The following NKAIN3 variants were observed in gnomAD, a reference collection of about 807,000 sequenced individuals.
NKAIN3 encodes the protein sodium/potassium transporting ATPase interacting 3, also known as sodium/potassium-transporting ATPase subunit beta-1-interacting protein 3.
Under a neutral mutation model 30.2 loss-of-function variants are expected in NKAIN3, and 25 were observed. The ratio of observed to expected loss-of-function variants is 0.83; its 90% CI spans 0.60 to 1.16. The LOEUF (loss-of-function observed/expected upper bound fraction) is 1.16, where lower values mean the gene tolerates loss of function less well. NKAIN3 is among the 50% of genes most tolerant of loss of function. The pLI, the probability that NKAIN3 is intolerant of heterozygous loss-of-function variation, is 0.00. For synonymous variants in NKAIN3, 91 were observed against 89.6 expected (o/e 1.02, Z -0.09); for missense variants, 225 against 254.1 (o/e 0.89, Z 0.78).
chr8:62,807,240 G>T (rs1818325441), intron 4 of NKAIN3, among the ~76,000 whole-genome samples: 1 of 152,072 alleles, frequency 6.6e-6, no homozygotes, highest in South Asian at 2.1e-4. Flanking sequence ...TGCCATTTTT[G>T]TTTCAGGTAT....
intron 5 of NKAIN3, 149 bp downstream of exon 5, chr8:62,918,662 G>A: frequency 1.6e-6 from 1 of 642,366 alleles, no homozygotes. Flanking sequence ...GTCAAAAGTT[G>A]ACAGACTGAA....
chr8:62,649,351 T>C (rs1812557994), intron 3 of NKAIN3, among the ~76,000 whole-genome samples: 1 of 152,110 alleles, frequency 6.6e-6, no homozygotes, highest in African/African-American at 2.4e-5. Context: ...CTGCAAACAA[T>C]TGTGAGTGAC....
rs58806823 is a variant in NKAIN3 at position 62,305,707 on chromosome 8, A to G, written c.54+56580A>G. Reference sequence around the variant, plus strand: ...GCCCTCCCTCTGGGCCACAAGCACTAAAGTGTGATGATGGATGGAAAAGAA... The same window carrying G: ...GCCCTCCCTCTGGGCCACAAGCACTGAAGTGTGATGATGGATGGAAAAGAA... On this transcript the variant is annotated intron_variant, in intron 1 of 6. Transcript: ENST00000623646. Among the ~76,000 whole-genome samples, 1,239 of 150,556 alleles carry G rather than the reference A, an allele frequency of 8.2e-3. 113 individuals carry two copies. The highest frequency in any genetic ancestry group is 0.029 in the African/African-American group (1,173 of 39,980).
intron 4 of NKAIN3, among the ~76,000 whole-genome samples, chr8:62,780,504 T>C (rs1462748912): frequency 6.6e-6 from 1 of 152,086 alleles, no homozygotes; most frequent in African/African-American, 2.4e-5. Context: ...TACAGGCCTA[T>C]ATCACTGATG....
At chr8:62,998,458 A>G (rs921722766) in intron 5 of NKAIN3, among the ~76,000 whole-genome samples, 1 of 152,104 alleles carries the variant, frequency 6.6e-6, no homozygotes, top group Admixed American at 6.5e-5. Context: ...TATTTTTAGT[A>G]GAGACGGGGT....
chr8:62,321,746 G>T (rs1464729502), intron 1 of NKAIN3, among the ~76,000 whole-genome samples: 3 of 152,292 alleles, frequency 2.0e-5, no homozygotes, highest in Admixed American at 6.5e-5. Flanking sequence ...CCTACTGGGG[G>T]GTGCCTCCCA....
intron 1 of NKAIN3, among the ~76,000 whole-genome samples, chr8:62,525,721 G>A (rs1397055866): frequency 6.6e-6 from 1 of 152,104 alleles, no homozygotes; most frequent in African/African-American, 2.4e-5. Flanking sequence ...GGGAGTCAAT[G>A]GTAACTGAAA....
At chr8:62,313,130 A>G (rs1343983324) in intron 1 of NKAIN3, among the ~76,000 whole-genome samples, 1 of 152,140 alleles carries the variant, frequency 6.6e-6, no homozygotes, top group East Asian at 1.9e-4. Flanking sequence ...GTTTCCAGAA[A>G]AGAAAAAAGA....
chr8:62,643,746 A>C (rs1482950059), intron 3 of NKAIN3, among the ~76,000 whole-genome samples: 1 of 152,130 alleles, frequency 6.6e-6, no homozygotes, highest in East Asian at 1.9e-4. Context: ...CCACATTCCG[A>C]ACGTTACTAA....
rs186501317 is a variant in NKAIN3, at chr8:62,342,613, C to T, written c.54+93486C>T. Among the ~76,000 whole-genome samples the T allele has an allele frequency of 5.0e-3, 757 of 152,154 alleles. 7 individuals are homozygous for T. Among genetic ancestry groups the T allele is most frequent in the Middle Eastern group, 0.01 (3 of 294 alleles). On this transcript the variant is annotated intron_variant, in intron 1 of 6. Transcript: ENST00000623646. ...AGCCTGAGACTCCTGCACAAAGGAA[C>T]TCTTAGGGCTCTTGATGTTTCTCAT... is the stretch of plus-strand genomic sequence containing the variant.
At chr8:62,760,439 T>C (rs918994340) in intron 4 of NKAIN3, among the ~76,000 whole-genome samples, 4 of 152,162 alleles carry the variant, frequency 2.6e-5, no homozygotes, top group Non-Finnish European at 5.9e-5. Flanking sequence ...TGGAATACCA[T>C]GCAGCCATAA....
In NKAIN3 at chr8:62,596,589, T is replaced by A. The variant is rs186382692; in HGVS notation, c.273+6795T>A. Among the ~76,000 whole-genome samples, 71 of 152,160 alleles carry A rather than the reference T, an allele frequency of 4.7e-4. No homozygotes were observed. In the East Asian group the frequency reaches 0.012, roughly 25 times the overall value. On this transcript the variant is annotated intron_variant, in intron 3 of 6. Transcript: ENST00000623646. Reference sequence around the variant, plus strand: ...CTGTATATATATTTACCCTTTTCTCTACCCCTAATTCTAGTGCCCAAGTGA... The same window carrying A: ...CTGTATATATATTTACCCTTTTCTCAACCCCTAATTCTAGTGCCCAAGTGA...
intron 4 of NKAIN3, among the ~76,000 whole-genome samples, chr8:62,864,830 C>T (rs1035360242): frequency 3.9e-5 from 6 of 152,110 alleles, no homozygotes; most frequent in African/African-American, 7.2e-5. Flanking sequence ...GCTTGTTGGG[C>T]GCATAAACAC....
intron 4 of NKAIN3, among the ~76,000 whole-genome samples, chr8:62,890,784 A>T (rs1166538853): frequency 6.6e-6 from 1 of 152,232 alleles, no homozygotes; most frequent in Admixed American, 6.5e-5. Context: ...GGGAAGTGGT[A>T]ACCAAAAAGA....
At chr8:62,689,737 CTTCT>C (rs1813904822) in intron 3 of NKAIN3, among the ~76,000 whole-genome samples, 1 of 152,046 alleles carries the variant, frequency 6.6e-6, no homozygotes, top group Admixed American at 6.6e-5. Flanking sequence ...TGAATTTCCT[CTTCT>C]TTATCTCTTT....
At chr8:62,551,308 T>C (rs1294805900) in intron 1 of NKAIN3, among the ~76,000 whole-genome samples, 2 of 152,158 alleles carry the variant, frequency 1.3e-5, no homozygotes, top group Non-Finnish European at 2.9e-5. Flanking sequence ...TCTACTTCTG[T>C]AATCTGAACA....
Position 62,965,444 on chromosome 8 carries a change from C to G in NKAIN3, c.*37C>G, listed in dbSNP as rs1244605233. 9.1e-6 allele frequency: 9 copies of G among 985,524 alleles called. No homozygotes were observed. Among genetic ancestry groups the G allele is most frequent in the Non-Finnish European group, 1.1e-5 (9 of 829,898 alleles). 61.0% of individuals were successfully genotyped at this position (985,524 alleles called of 1,614,324 possible). A position where few individuals can be genotyped will look rare whatever the true frequency, so the allele number is the denominator to read the frequency against. On this transcript the variant is annotated 3_prime_UTR_variant, in exon 7 of 7. Transcript: ENST00000623646. ...CCATTGACTGCGCGCCTCGGTGGAT[C>G]CGACCCGCCTGACATTCCTTCCAGA...
chr8:62,744,788 T>C (rs1216149686), intron 3 of NKAIN3, among the ~76,000 whole-genome samples: 2 of 152,144 alleles, frequency 1.3e-5, no homozygotes, highest in Non-Finnish European at 2.9e-5. Context: ...TAACTGCAAA[T>C]GATACAAGTA....
chr8:62,782,412 A>G (rs1817378692), intron 4 of NKAIN3, among the ~76,000 whole-genome samples: 1 of 152,128 alleles, frequency 6.6e-6, no homozygotes, highest in Non-Finnish European at 1.5e-5. Context: ...CAGCAATCTC[A>G]CTACTGGGTA....
Sources: gnomAD v4.1 joint callset for allele counts (sites outside exome capture counted in the v4.1 genomes callset) on GRCh38, gnomAD v4.1.1 for gene constraint, MANE v1.5 for transcripts, NCBI Gene and HGNC (gene_info 2026-07-23, HGNC 2026-07-21) for gene names.